The following TSPAN13 variants were observed in gnomAD, a reference collection of about 807,000 sequenced individuals.
The protein encoded by TSPAN13 is tetraspanin 13, also known as tetraspanin-13.
A neutral mutation model predicts 26.9 loss-of-function variants in TSPAN13; 18 were observed. That is an observed-to-expected ratio of 0.67 (90% CI 0.46 to 0.99). The LOEUF is 0.99. Ranked by LOEUF, TSPAN13 falls within the 50% of genes least tolerant of loss-of-function variation. The pLI is 0.00. For missense variants in TSPAN13, 201 were observed against 249.6 expected (o/e 0.81, Z 1.31); for synonymous variants, 116 against 98.4 (o/e 1.18, Z -1.06).
intron 1 of TSPAN13, among the ~76,000 whole-genome samples, chr7:16,761,977 T>C (rs1784546581): frequency 1.3e-5 from 2 of 152,230 alleles, no homozygotes; most frequent in Non-Finnish European, 2.9e-5. Context: ...CAAAACATTT[T>C]TGAATAATTT....
intron 1 of TSPAN13, among the ~76,000 whole-genome samples, chr7:16,766,334 T>C (rs1319608754): frequency 6.6e-6 from 1 of 152,222 alleles, no homozygotes; most frequent in East Asian, 1.9e-4. Context: ...TTGTTTTGGA[T>C]TGGACAGTTG....
At chr7:16,763,789 C>T (rs1019306910) in intron 1 of TSPAN13, among the ~76,000 whole-genome samples, 3 of 152,166 alleles carry the variant, frequency 2.0e-5, no homozygotes, top group African/African-American at 7.2e-5. Flanking sequence ...AGGGGCCAGT[C>T]ATTAAGGGTC....
At chr7:16,777,414 C>T (rs1450584158) in intron 3 of TSPAN13, among the ~76,000 whole-genome samples, 1 of 152,124 alleles carries the variant, frequency 6.6e-6, no homozygotes, top group Non-Finnish European at 1.5e-5. Flanking sequence ...TGCAATGAAA[C>T]ATTTGCTCCA....
At chr7:16,779,361 T>C (rs1400187051) in intron 5 of TSPAN13, among the ~76,000 whole-genome samples, 3 of 152,212 alleles carry the variant, frequency 2.0e-5, no homozygotes, top group Admixed American at 6.5e-5. Flanking sequence ...TGAGATTAGA[T>C]TGAATTATCT....
intron 5 of TSPAN13, among the ~76,000 whole-genome samples, chr7:16,781,167 T>C (rs1041438921): frequency 6.6e-6 from 1 of 152,186 alleles, no homozygotes; most frequent in Admixed American, 6.5e-5. Flanking sequence ...TTCTTTGTAG[T>C]AACTTGAGAA....
At chr7:16,754,238 T>C (rs951835322) in intron 1 of TSPAN13, among the ~76,000 whole-genome samples, 5 of 152,186 alleles carry the variant, frequency 3.3e-5, no homozygotes, top group Non-Finnish European at 5.9e-5. Flanking sequence ...TCGTTCATTG[T>C]GAAGCCGCGG....
At chr7:16,770,917 G>T (rs902423487) in intron 1 of TSPAN13, among the ~76,000 whole-genome samples, 2 of 152,272 alleles carry the variant, frequency 1.3e-5, no homozygotes, top group African/African-American at 4.8e-5. Flanking sequence ...TCTCTTTCTT[G>T]AAAACTTTTT....
Position 16,784,217 on chromosome 7 carries a change from T to A in TSPAN13, c.*726T>A, listed in dbSNP as rs1160281612. 2 of 152,596 alleles carry A rather than the reference T, an allele frequency of 1.3e-5. No homozygotes were observed. Among genetic ancestry groups the A allele is most frequent in the African/African-American group, 4.8e-5 (2 of 41,444 alleles). The allele number at this position is 152,596 out of a possible 1,614,324, so 9.5% of individuals were successfully genotyped here. A position where few individuals can be genotyped will look rare whatever the true frequency, so the allele number is the denominator to read the frequency against. Reference sequence around the variant, plus strand: ...TGAGTAATCAGGAAGTATATCTATATGATCTTGATATTGTTTTATAATAAT... The same window carrying A: ...TGAGTAATCAGGAAGTATATCTATAAGATCTTGATATTGTTTTATAATAAT... On this transcript the variant is annotated 3_prime_UTR_variant, in exon 6 of 6. Transcript: ENST00000262067.
chr7:16,754,829 G>C (rs907737384), intron 1 of TSPAN13, among the ~76,000 whole-genome samples: 1 of 152,100 alleles, frequency 6.6e-6, no homozygotes, highest in East Asian at 1.9e-4. Context: ...CAGGAGGATG[G>C]GCAGGACAGA....
At chr7:16,771,775 C>T (rs911468388) in intron 1 of TSPAN13, among the ~76,000 whole-genome samples, 8 of 152,202 alleles carry the variant, frequency 5.3e-5, no homozygotes, top group South Asian at 4.2e-4. Flanking sequence ...GCAAAAGCAG[C>T]GATAGGAAAC....
chr7:16,775,195 C>A (rs991285641), intron 1 of TSPAN13, among the ~76,000 whole-genome samples: 1 of 152,124 alleles, frequency 6.6e-6, no homozygotes, highest in Non-Finnish European at 1.5e-5. Flanking sequence ...GTTCAACAAC[C>A]TGTCCCCCAC....
intron 1 of TSPAN13, among the ~76,000 whole-genome samples, chr7:16,772,292 T>C (rs1784688908): frequency 6.6e-6 from 1 of 152,166 alleles, no homozygotes; most frequent in South Asian, 2.1e-4. Flanking sequence ...AGGTTCCTGA[T>C]TTGTCAAACT....
At chr7:16,754,162 G>T (rs529185078) in intron 1 of TSPAN13, 132 bp downstream of exon 1, 2 of 920,350 alleles carry the variant, frequency 2.2e-6, no homozygotes, top group East Asian at 2.8e-5. Context: ...ACGTCTGCGC[G>T]CCCCCGGCCT....
At chr7:16,782,579 A>G (rs780828231) in intron 5 of TSPAN13, among the ~76,000 whole-genome samples, 16 of 152,218 alleles carry the variant, frequency 1.1e-4, no homozygotes, top group Non-Finnish European at 2.2e-4. Flanking sequence ...AAAAAACTAT[A>G]CTGGCTAACA....
Position 16,783,913 on chromosome 7 carries a change from A to G in TSPAN13, c.*422A>G, listed in dbSNP as rs1274711380. 1 of 157,428 alleles carries G rather than the reference A, an allele frequency of 6.4e-6. No homozygotes were observed. Among genetic ancestry groups the G allele is most frequent in the African/African-American group, 2.4e-5 (1 of 41,642 alleles). The allele number at this position is 157,428 out of a possible 1,614,324, so 9.8% of individuals were successfully genotyped here. A position where few individuals can be genotyped will look rare whatever the true frequency, so the allele number is the denominator to read the frequency against. ...AAGAGTGGAAATTTATTAAAATCAG[A>G]AAGTATGAGATCCTGTTATGTTAAG... On this transcript the variant is annotated 3_prime_UTR_variant, in exon 6 of 6. Transcript: ENST00000262067.
At chr7:16,755,541 GTTT>G (rs34234997) in intron 1 of TSPAN13, among the ~76,000 whole-genome samples, 1 of 139,364 alleles carries the variant, frequency 7.2e-6, no homozygotes. Flanking sequence ...GTTCTCTAGG[GTTT>G]TTTTTTTTTT....
At chr7:16,771,726 C>T (rs1423848790) in intron 1 of TSPAN13, among the ~76,000 whole-genome samples, 2 of 152,168 alleles carry the variant, frequency 1.3e-5, no homozygotes, top group Non-Finnish European at 2.9e-5. Context: ...TAAGGCAATA[C>T]ATTTGTGTTA....
Position 16,753,914 on chromosome 7 carries a change from A to G in TSPAN13, c.-54A>G. The G allele has an allele frequency of 1.3e-6, 2 of 1,572,562 alleles. No homozygotes were observed. The highest frequency in any genetic ancestry group is 2.7e-5 in the African/African-American group (2 of 73,724). ...GGCAAGGACAAAGCAGCTGTCAGGG[A>G]ACCTCCGCCGGAGTCGAATTTACGT... On this transcript the variant is annotated 5_prime_UTR_variant, in exon 1 of 6. Coordinates refer to ENST00000262067, the MANE Select transcript of TSPAN13 (RefSeq NM_014399.4).
chr7:16,783,536 C>T lies in TSPAN13; in HGVS notation c.*45C>T. The T allele has an allele frequency of 6.3e-7, 1 of 1,577,384 alleles. No homozygotes were observed. The highest frequency in any genetic ancestry group is 8.7e-7 in the Non-Finnish European group (1 of 1,147,420). ...TCCTTTCGTATTATGATCTTGTTCA[C>T]TTTCTGTAATTTTCTGTTAAGCTCC... On this transcript the variant is annotated 3_prime_UTR_variant, in exon 6 of 6. Transcript: ENST00000262067.
Sources: allele counts gnomAD v4.1 joint callset (sites outside exome capture counted in the v4.1 genomes callset), GRCh38; gene constraint gnomAD v4.1.1; transcripts MANE v1.5; gene names NCBI Gene and HGNC (gene_info 2026-07-23, HGNC 2026-07-21).